RNF169: variants seen among roughly 807,000 people sequenced by gnomAD.
RNF169 encodes ring finger protein 169.
Under a neutral mutation model 53.9 loss-of-function variants are expected in RNF169, and 24 were observed. The observed-to-expected ratio is 0.45, with a 90% CI of 0.32 to 0.63. RNF169 has a LOEUF of 0.63. Among genes scored for constraint, RNF169 ranks in the 20% least tolerant of loss-of-function variants. RNF169 has a pLI of 0.04. For missense variants in RNF169, 883 were observed against 906.2 expected (o/e 0.97, Z 0.33); for synonymous variants, 396 against 363.5 (o/e 1.09, Z -1.02).
chr11:74,835,508 T>C (rs1208808171), intron 5 of RNF169, 38 bp from the exon 6 acceptor site: 4 of 1,454,542 alleles, frequency 2.8e-6, no homozygotes, highest in Non-Finnish European at 2.9e-6. Context: ...TGTATATGTA[T>C]GTGTGTATGA....
At chr11:74,827,821 G>A (rs1167755079) in intron 4 of RNF169, among the ~76,000 whole-genome samples, 1 of 152,080 alleles carries the variant, frequency 6.6e-6, no homozygotes, top group East Asian at 1.9e-4. Flanking sequence ...GATATTGAAG[G>A]AACATACCTC....
rs771529779 is a variant in RNF169 at position 74,839,330 on chromosome 11, T to C, written c.*2600T>C. 2.6e-5 allele frequency: 4 copies of C among 152,312 alleles called. No homozygotes were observed. The highest frequency in any genetic ancestry group is 2.1e-4 in the South Asian group (1 of 4,822). The allele number at this position is 152,312 out of a possible 1,614,324, so 9.4% of individuals were successfully genotyped here. On this transcript the variant is annotated 3_prime_UTR_variant, in exon 6 of 6. Coordinates refer to ENST00000299563, the MANE Select transcript of RNF169 (RefSeq NM_001098638.2). ...GGAAGGAAAAACCACTAAGGTATTATCTGAATTTTAAGATGCTTCCCATCC... is the reference window on the plus strand; with the variant it reads ...GGAAGGAAAAACCACTAAGGTATTACCTGAATTTTAAGATGCTTCCCATCC...
In RNF169 at chr11:74,802,412, G is replaced by A. The variant is rs538996579; in HGVS notation, c.577-7772G>A. ...TGTAATTCCAGCACTTTGGGAGGCC[G>A]AGGCAAGCGGATCACCTGAGGTCAG... On this transcript the variant is annotated intron_variant, in intron 2 of 5. Transcript: ENST00000299563. Among the ~76,000 whole-genome samples, 15 of 152,292 alleles carry A rather than the reference G, an allele frequency of 9.8e-5. No individual in the cohort carries two copies. In the South Asian group the frequency reaches 2.3e-3, roughly 23 times the overall value.
chr11:74,758,138 C>T (rs1306462839), intron 1 of RNF169, among the ~76,000 whole-genome samples: 7 of 68,192 alleles, frequency 1.0e-4, no homozygotes, highest in East Asian at 4.9e-4. Context: ...TTAGGTCTAA[C>T]GTTTAAATCT....
chr11:74,778,076 GTGTT>G (rs1280472098), intron 1 of RNF169, among the ~76,000 whole-genome samples: 1 of 152,178 alleles, frequency 6.6e-6, no homozygotes, highest in Non-Finnish European at 1.5e-5. Flanking sequence ...ACTGCAGTGT[GTGTT>G]TGTAAGATTC....
At chr11:74,756,926 T>G (rs1204327552) in intron 1 of RNF169, among the ~76,000 whole-genome samples, 4 of 152,182 alleles carry the variant, frequency 2.6e-5, no homozygotes, top group Non-Finnish European at 4.4e-5. Context: ...CAAATTCTCT[T>G]TTTAGCAAGA....
In RNF169 at chr11:74,839,882, A is replaced by T. The variant is rs908176934; in HGVS notation, c.*3152A>T. ...TAATCTATTTGCCTCTTTTTAAAAA[A>T]GGTTAAGTCTTCTTGGGTGAGGCTT... On this transcript the variant is annotated 3_prime_UTR_variant, in exon 6 of 6. Transcript: ENST00000299563. 16 of 152,358 alleles carry T rather than the reference A, an allele frequency of 1.1e-4. 1 individual carries two copies. The highest frequency in any genetic ancestry group is 3.8e-4 in the African/African-American group (16 of 41,574). 9.4% of individuals were successfully genotyped at this position (152,358 alleles called of 1,614,324 possible).
At chr11:74,792,276 C>A (rs950955147) in intron 2 of RNF169, among the ~76,000 whole-genome samples, 8 of 152,134 alleles carry the variant, frequency 5.3e-5, no homozygotes, top group African/African-American at 1.9e-4. Flanking sequence ...ATATTTACTT[C>A]TAATAGATCT....
At chr11:74,799,249 G>A (rs2035695264) in intron 2 of RNF169, among the ~76,000 whole-genome samples, 1 of 151,972 alleles carries the variant, frequency 6.6e-6, no homozygotes, top group African/African-American at 2.4e-5. Context: ...CAGGTAACAG[G>A]TGTGGTATTA....
chr11:74,829,386 T>C (rs897618647), intron 4 of RNF169, among the ~76,000 whole-genome samples: 15 of 152,192 alleles, frequency 9.9e-5, no homozygotes, highest in African/African-American at 3.6e-4. Context: ...ACTTCTACAT[T>C]GTTGGTGGGA....
At position 74,841,325 on chromosome 11, in the gene RNF169, G is replaced by A. The variant is rs938500961; in HGVS notation, c.*4595G>A. Reference sequence around the variant, plus strand: ...GGGTGGTCAGGAGACAGATTCTAGGGAAAGTGCTGAAGAGATTTTCTTCTG... The same window carrying A: ...GGGTGGTCAGGAGACAGATTCTAGGAAAAGTGCTGAAGAGATTTTCTTCTG... On this transcript the variant is annotated 3_prime_UTR_variant, in exon 6 of 6. Transcript: ENST00000299563. 1 of 152,102 alleles carries A rather than the reference G, an allele frequency of 6.6e-6. No individual in the cohort carries two copies. The highest frequency in any genetic ancestry group is 2.4e-5 in the African/African-American group (1 of 41,426). 9.4% of individuals were successfully genotyped at this position (152,102 alleles called of 1,614,324 possible).
intron 1 of RNF169, among the ~76,000 whole-genome samples, chr11:74,765,168 C>G (rs556292000): frequency 3.9e-5 from 6 of 152,278 alleles, no homozygotes; most frequent in African/African-American, 1.2e-4. Flanking sequence ...GTGTTCGTGC[C>G]ACTGTACTCC....
intron 1 of RNF169, among the ~76,000 whole-genome samples, chr11:74,773,587 C>T (rs1319270085): frequency 6.6e-6 from 1 of 152,172 alleles, no homozygotes; most frequent in Non-Finnish European, 1.5e-5. Context: ...AATATTCTTA[C>T]ATGTTTATTT....
At chr11:74,801,284 T>C (rs1287556492) in intron 2 of RNF169, among the ~76,000 whole-genome samples, 1 of 152,224 alleles carries the variant, frequency 6.6e-6, no homozygotes, top group Non-Finnish European at 1.5e-5. Flanking sequence ...TTCAGGATGC[T>C]GTAAACAGGA....
At chr11:74,808,656 T>G (rs1284723341) in intron 2 of RNF169, among the ~76,000 whole-genome samples, 1 of 152,240 alleles carries the variant, frequency 6.6e-6, no homozygotes, top group African/African-American at 2.4e-5. Flanking sequence ...ACCTGACACG[T>G]AGAGTTCAGT....
chr11:74,842,108 T>G lies in RNF169; in HGVS notation c.*5378T>G, dbSNP rs1435635220. The stretch of plus-strand genomic sequence containing the variant: ...TTCCCCTCCTGCCTAGAAAATAGGT[T>G]GTGTATTGGTTTTATTCAACCTGCT... On this transcript the variant is annotated 3_prime_UTR_variant, in exon 6 of 6. Transcript: ENST00000299563. 3 of 152,190 alleles carry G rather than the reference T, an allele frequency of 2.0e-5. No homozygotes were observed. Among genetic ancestry groups the G allele is most frequent in the Non-Finnish European group, 2.9e-5 (2 of 68,030 alleles). 9.4% of individuals were successfully genotyped at this position (152,190 alleles called of 1,614,324 possible).
At chr11:74,800,486 A>G (rs2035713721) in intron 2 of RNF169, among the ~76,000 whole-genome samples, 2 of 152,170 alleles carry the variant, frequency 1.3e-5, no homozygotes, top group Non-Finnish European at 1.5e-5. Context: ...TGGGCGAGCT[A>G]TTTGAGTTCT....
intron 1 of RNF169, among the ~76,000 whole-genome samples, chr11:74,779,111 G>A (rs1250637100): frequency 6.6e-6 from 1 of 152,084 alleles, no homozygotes; most frequent in African/African-American, 2.4e-5. Flanking sequence ...TTATTTTGCA[G>A]TTGTTAACAA....
intron 1 of RNF169, among the ~76,000 whole-genome samples, chr11:74,781,756 G>A (rs2135065988): frequency 2.0e-5 from 3 of 152,282 alleles, no homozygotes; most frequent in South Asian, 2.1e-4. Flanking sequence ...AAGGCATAGT[G>A]GGTAAGTGCA....
Sources: gnomAD v4.1 joint callset for allele counts (sites outside exome capture counted in the v4.1 genomes callset) on GRCh38, gnomAD v4.1.1 for gene constraint, MANE v1.5 for transcripts, NCBI Gene and HGNC (gene_info 2026-07-23, HGNC 2026-07-21) for gene names.